Variants in CCDC102B observed in about 807,000 individuals in gnomAD.
CCDC102B encodes coiled-coil domain-containing protein 102B.
A neutral mutation model predicts 57.4 loss-of-function variants in CCDC102B; 75 were observed. The ratio of observed to expected loss-of-function variants is 1.31; its 90% CI spans 1.08 to 1.58. CCDC102B has a LOEUF of 1.58. Among genes scored for constraint, CCDC102B ranks in the 40% most tolerant of loss-of-function variants. The pLI is 0.00. For missense variants in CCDC102B, 636 were observed against 582.6 expected (o/e 1.09, Z -0.94); for synonymous variants, 206 against 201.9 (o/e 1.02, Z -0.17).
At chr18:68,895,362 A>T (rs1309558263) in intron 5 of CCDC102B, among the ~76,000 whole-genome samples, 1 of 151,768 alleles carries the variant, frequency 6.6e-6, no homozygotes, top group Non-Finnish European at 1.5e-5. Flanking sequence ...GTACAATTAT[A>T]TATATATGAA....
chr18:68,992,485 G>A (rs2050897287), intron 6 of CCDC102B, among the ~76,000 whole-genome samples: 1 of 152,144 alleles, frequency 6.6e-6, no homozygotes, highest in Non-Finnish European at 1.5e-5. Flanking sequence ...TCGCCCGGAA[G>A]ATTTTCAATG....
At chr18:69,017,053 T>A (rs1427217183) in intron 7 of CCDC102B, among the ~76,000 whole-genome samples, 1 of 150,064 alleles carries the variant, frequency 6.7e-6, no homozygotes, top group East Asian at 1.9e-4. Flanking sequence ...ATCTCTCATC[T>A]TTCTGTGTTA....
intron 2 of CCDC102B, among the ~76,000 whole-genome samples, chr18:68,763,217 C>A (rs2034312132): frequency 6.6e-6 from 1 of 151,926 alleles, no homozygotes; most frequent in African/African-American, 2.4e-5. Flanking sequence ...TTAAATGAAT[C>A]ATCTCCCTGT....
chr18:68,866,606 G>A, intron 4 of CCDC102B: 1 of 304,924 alleles, frequency 3.3e-6, no homozygotes, highest in South Asian at 3.4e-5. Flanking sequence ...CTGCTCCTTT[G>A]GGAACCTTAG....
At position 68,750,898 on chromosome 18, in the gene CCDC102B, T is replaced by G. The variant is rs577267690; in HGVS notation, c.-67+34304T>G. On this transcript the variant is annotated intron_variant, in intron 2 of 3. Transcript: ENST00000578970. ...CACCAACATGGCACATGGATACATA[T>G]GTAACAAACCTGCACGTTGTGCACA... Among the ~76,000 whole-genome samples the G allele has an allele frequency of 3.3e-5, 5 of 151,874 alleles. No individual in the cohort carries two copies. In the East Asian group the frequency reaches 9.7e-4, roughly 29 times the overall value.
intron 7 of CCDC102B, among the ~76,000 whole-genome samples, chr18:69,015,734 C>T (rs2064869369): frequency 1.3e-5 from 2 of 152,086 alleles, no homozygotes; most frequent in Admixed American, 1.3e-4. Context: ...GGATGAGTTG[C>T]TTATTTTAAG....
chr18:68,879,394 G>A (rs986831624), intron 5 of CCDC102B, among the ~76,000 whole-genome samples: 1 of 152,278 alleles, frequency 6.6e-6, no homozygotes, highest in African/African-American at 2.4e-5. Flanking sequence ...GCCACTGCTG[G>A]CTCAGGCAGC....
intron 3 of CCDC102B, among the ~76,000 whole-genome samples, chr18:68,843,786 C>A (rs562185343): frequency 2.0e-5 from 3 of 151,864 alleles, no homozygotes; most frequent in Non-Finnish European, 2.9e-5. Flanking sequence ...CAATAATATA[C>A]ATCCCAATTA....
intron 6 of CCDC102B, among the ~76,000 whole-genome samples, chr18:68,904,150 T>C (rs751466482): frequency 1.5e-4 from 23 of 152,160 alleles, no homozygotes; most frequent in Non-Finnish European, 3.1e-4. Context: ...TAACATTATA[T>C]TGGATCATTT....
intron 7 of CCDC102B, 140 bp downstream of exon 7, chr18:69,011,244 A>G: frequency 1.3e-6 from 1 of 762,138 alleles, no homozygotes; most frequent in Non-Finnish European, 2.0e-6. Context: ...TCAATTTAAA[A>G]AGAGTAAGGA....
chr18:69,038,611 A>C (rs905782989), intron 7 of CCDC102B, among the ~76,000 whole-genome samples: 1 of 151,994 alleles, frequency 6.6e-6, no homozygotes, highest in Non-Finnish European at 1.5e-5. Flanking sequence ...TGCCAGTGAT[A>C]ATTTCCACTA....
Position 68,837,248 on chromosome 18 carries a change from G to A in CCDC102B, c.485G>A (p.Gly162Asp), listed in dbSNP as rs746788896. The A allele has an allele frequency of 3.7e-6, 6 of 1,613,994 alleles. No homozygotes were observed. In the Admixed American group the frequency reaches 6.7e-5, roughly 18 times the overall value. ...GTTACCCAGGATCTGAAGCTTCCTG[G>A]CTTCGTAGAAGAATCCTGTGAACAT... is the stretch of plus-strand genomic sequence containing the variant. ...AKVTQDLKLP[G>D]FVEESCEHTD... Residue 162 changes from glycine to aspartate, a missense_variant, in exon 2 of 8, where the codon GGC (glycine) becomes GAC (aspartate). Physicochemically the swap from Gly to Asp is moderately conservative, Grantham distance 94 (BLOSUM62 -1). Coordinates refer to ENST00000360242, the MANE Select transcript of CCDC102B (RefSeq NM_024781.3).
At position 68,984,695 on chromosome 18, in the gene CCDC102B, C is replaced by G. The variant is rs2050680596; in HGVS notation, c.1264-26239C>G. On this transcript the variant is annotated intron_variant, in intron 6 of 7. Transcript: ENST00000360242. ...AATTTTATTTTAATTATTTACCTAA[C>G]TTTGGATTTCAATGCTTCTCTTTTA... 2.0e-5 allele frequency among the ~76,000 whole-genome samples: 3 copies of G among 152,052 alleles called. 1 individual carries two copies. The highest frequency in any genetic ancestry group is 7.2e-5 in the African/African-American group (3 of 41,414).
rs2036808212 is a variant in CCDC102B, at chr18:68,824,070, A to G, written c.-15-12679A>G. ...TTAATTTAATTAGGTCCCACTTGTC[A>G]TTTTTAGGGTTTTTCTTTTGCAATT... On this transcript the variant is annotated intron_variant, in intron 1 of 7. Coordinates refer to ENST00000360242, the MANE Select transcript of CCDC102B (RefSeq NM_024781.3). 2.0e-5 allele frequency among the ~76,000 whole-genome samples: 3 copies of G among 151,842 alleles called. No individual in the cohort carries two copies. In the South Asian group the frequency reaches 6.2e-4, roughly 31 times the overall value.
intron 1 of CCDC102B, among the ~76,000 whole-genome samples, chr18:68,801,030 C>T (rs1055366978): frequency 5.3e-5 from 8 of 151,826 alleles, no homozygotes; most frequent in African/African-American, 1.9e-4. Context: ...TCAATGTATA[C>T]ATGATGGTAA....
chr18:68,994,844 C>A (rs2050978827), intron 6 of CCDC102B, among the ~76,000 whole-genome samples: 1 of 152,164 alleles, frequency 6.6e-6, no homozygotes, highest in Admixed American at 6.5e-5. Flanking sequence ...ATTGCTACTG[C>A]AGACAGTAGA....
chr18:68,794,545 G>A (rs942805186), upstream of CCDC102B, among the ~76,000 whole-genome samples: 1 of 152,058 alleles, frequency 6.6e-6, no homozygotes, highest in African/African-American at 2.4e-5. Flanking sequence ...CAGGGTGGAT[G>A]TAATATGTAG....
chr18:68,884,743 A>G (rs1338450740), intron 5 of CCDC102B, among the ~76,000 whole-genome samples: 1 of 148,362 alleles, frequency 6.7e-6, no homozygotes, highest in East Asian at 1.9e-4. Flanking sequence ...ATTATAATAT[A>G]TTTATATATA....
In CCDC102B at chr18:68,746,421, T is replaced by A. The variant is rs898770955; in HGVS notation, c.-67+29827T>A. ...TTATTAACTTTTTCTCAGAAATAAA[T>A]CTTAAACAGGTTGCTACCCAGTGTG... On this transcript the variant is annotated intron_variant, in intron 2 of 3. Transcript: ENST00000578970. Among the ~76,000 whole-genome samples the A allele has an allele frequency of 2.0e-5, 3 of 152,264 alleles. No individual in the cohort carries two copies. In the East Asian group the frequency reaches 5.8e-4, roughly 29 times the overall value.
Sources: gnomAD v4.1 joint callset for allele counts (sites outside exome capture counted in the v4.1 genomes callset) on GRCh38, gnomAD v4.1.1 for gene constraint, MANE v1.5 for transcripts, NCBI Gene and HGNC (gene_info 2026-07-23, HGNC 2026-07-21) for gene names.